RUNX1: variants seen among roughly 807,000 people sequenced by gnomAD.
The protein encoded by RUNX1 is RUNX family transcription factor 1.
In RUNX1, 19 loss-of-function variants were observed where a neutral mutation model predicts 42.8. The ratio of observed to expected loss-of-function variants is 0.44; its 90% CI spans 0.31 to 0.65. The LOEUF is 0.65. Ranked by LOEUF, RUNX1 falls within the 30% of genes least tolerant of loss-of-function variation. The pLI is 0.07. For missense variants in RUNX1, 528 were observed against 672.0 expected, an observed-to-expected ratio of 0.79 and a Z score of 2.37; for synonymous variants, 271 against 289.4, an observed-to-expected ratio of 0.94 and a Z score of 0.64.
rs529726450 is a variant in RUNX1, at chr21:35,011,396, A to G, written c.58+37446T>C. ...GAGACAGCCACTACTAATTCATAAG[A>G]GTTGTCACTTGGGATAAAGTAAAGG... On this transcript the variant is annotated intron_variant, in intron 2 of 8. Coordinates refer to ENST00000675419, the MANE Select transcript of RUNX1 (RefSeq NM_001754.5). 5.3e-5 allele frequency among the ~76,000 whole-genome samples: 8 copies of G among 152,266 alleles called. No individual in the cohort carries two copies. In the East Asian group the frequency reaches 5.8e-4, roughly 11 times the overall value.
At chr21:34,952,394 A>G (rs1212645473) in intron 2 of RUNX1, among the ~76,000 whole-genome samples, 1 of 152,160 alleles carries the variant, frequency 6.6e-6, no homozygotes, top group East Asian at 1.9e-4. Flanking sequence ...AATAAAAAAG[A>G]AAATATATAC....
intron 2 of RUNX1, among the ~76,000 whole-genome samples, chr21:35,040,770 CCAAAAAAAAAAA>C (rs2059352408): frequency 2.0e-5 from 1 of 50,998 alleles, no homozygotes; most frequent in East Asian, 9.1e-4. Context: ...TAGACTCCAT[CCAAAAAAAAAAA>C]AAAAAAAAAA....
intron 2 of RUNX1, among the ~76,000 whole-genome samples, chr21:34,994,750 G>T (rs1379301334): frequency 6.6e-6 from 1 of 152,188 alleles, no homozygotes; most frequent in African/African-American, 2.4e-5. Context: ...GAAGGGTTTG[G>T]TATGTTAGAC....
chr21:34,823,592 C>T (rs545709750), intron 7 of RUNX1, among the ~76,000 whole-genome samples: 9 of 151,908 alleles, frequency 5.9e-5, no homozygotes, highest in East Asian at 1.9e-4. Context: ...TACAGGTGCC[C>T]GCCACCACAC....
rs2056406581 is a variant in RUNX1, at chr21:34,789,280, G to A, written c.*2855C>T. Reference sequence around the variant, plus strand: ...TTAAGAGAACACAGGAAAAGGAGGAGGGAGAAAGTGGGGTTTGGAAGATAG... The same window carrying A: ...TTAAGAGAACACAGGAAAAGGAGGAAGGAGAAAGTGGGGTTTGGAAGATAG... On this transcript the variant is annotated 3_prime_UTR_variant, in exon 9 of 9. Transcript: ENST00000675419. 2.1e-5 allele frequency: 5 copies of A among 233,176 alleles called. No homozygotes were observed. The highest frequency in any genetic ancestry group is 1.2e-3 in the Middle Eastern group (1 of 810). The allele number at this position is 233,176 out of a possible 1,614,324, so 14.4% of individuals were successfully genotyped here. A position where few individuals can be genotyped will look rare whatever the true frequency, so the allele number is the denominator to read the frequency against.
At chr21:34,958,404 C>T (rs1055271163) in intron 2 of RUNX1, among the ~76,000 whole-genome samples, 1 of 152,178 alleles carries the variant, frequency 6.6e-6, no homozygotes, top group Non-Finnish European at 1.5e-5. Context: ...TGAACAGACA[C>T]TTCTCAAAAG....
chr21:34,981,878 T>C (rs2058848860), intron 2 of RUNX1, among the ~76,000 whole-genome samples: 2 of 152,208 alleles, frequency 1.3e-5, no homozygotes, highest in African/African-American at 4.8e-5. Context: ...CTGTAGGTCA[T>C]TGCCATCAGT....
At chr21:34,852,658 G>A (rs2146199568) in intron 6 of RUNX1, among the ~76,000 whole-genome samples, 1 of 152,320 alleles carries the variant, frequency 6.6e-6, no homozygotes, top group African/African-American at 2.4e-5. Flanking sequence ...AGGAGGGGAT[G>A]TGAGTCACGA....
intron 2 of RUNX1, among the ~76,000 whole-genome samples, chr21:34,945,366 C>T (rs959464226): frequency 6.6e-6 from 1 of 152,186 alleles, no homozygotes; most frequent in African/African-American, 2.4e-5. Flanking sequence ...TGGAACCCAC[C>T]ATCCTTTGAC....
At chr21:35,044,462 C>A (rs896973922) in intron 2 of RUNX1, among the ~76,000 whole-genome samples, 1 of 152,180 alleles carries the variant, frequency 6.6e-6, no homozygotes, top group Non-Finnish European at 1.5e-5. Context: ...CAGATTAATT[C>A]GGTCCACACA....
At chr21:34,872,300 C>A (rs1306969384) in intron 5 of RUNX1, among the ~76,000 whole-genome samples, 1 of 152,178 alleles carries the variant, frequency 6.6e-6, no homozygotes, top group Non-Finnish European at 1.5e-5. Context: ...GTGGACCTCA[C>A]CTGTGTGACA....
intron 2 of RUNX1, among the ~76,000 whole-genome samples, chr21:34,923,077 T>C (rs1414786194): frequency 6.6e-6 from 1 of 152,174 alleles, no homozygotes; most frequent in African/African-American, 2.4e-5. Context: ...CAATGTCCTA[T>C]TTATGTATTA....
chr21:34,965,040 A>G (rs1262933042), intron 2 of RUNX1, among the ~76,000 whole-genome samples: 2 of 152,188 alleles, frequency 1.3e-5, no homozygotes, highest in Non-Finnish European at 2.9e-5. Context: ...GTGAATACAC[A>G]CACATGCTCA....
chr21:34,820,906 A>G (rs1165208372), intron 7 of RUNX1, among the ~76,000 whole-genome samples: 2 of 152,210 alleles, frequency 1.3e-5, no homozygotes, highest in Non-Finnish European at 2.9e-5. Flanking sequence ...CAGGAGCCAG[A>G]AAACCTGGAT....
At chr21:35,003,403 A>G (rs947925096) in intron 2 of RUNX1, among the ~76,000 whole-genome samples, 1 of 152,252 alleles carries the variant, frequency 6.6e-6, no homozygotes, top group African/African-American at 2.4e-5. Context: ...GACTCCCACA[A>G]GTGGGAAACA....
chr21:34,992,365 G>A (rs2058950913), intron 2 of RUNX1, among the ~76,000 whole-genome samples: 1 of 152,186 alleles, frequency 6.6e-6, no homozygotes, highest in Non-Finnish European at 1.5e-5. Flanking sequence ...CAGGAGCCTG[G>A]GGCACATTCC....
intron 2 of RUNX1, among the ~76,000 whole-genome samples, chr21:35,003,471 T>C (rs1360447836): frequency 1.3e-5 from 2 of 151,980 alleles, no homozygotes; most frequent in Admixed American, 6.6e-5. Context: ...ACTTAACTTA[T>C]GATTTTTACT....
intron 6 of RUNX1, among the ~76,000 whole-genome samples, chr21:34,835,842 C>T (rs1162402885): frequency 2.6e-5 from 4 of 152,172 alleles, no homozygotes; most frequent in African/African-American, 9.7e-5. Context: ...AGAAAGAGGC[C>T]CCCTTGATTC....
At chr21:34,929,266 A>G (rs961627336) in intron 2 of RUNX1, among the ~76,000 whole-genome samples, 1 of 152,232 alleles carries the variant, frequency 6.6e-6, no homozygotes, top group Non-Finnish European at 1.5e-5. Context: ...AAACACTTCT[A>G]TAGCAACACT....
Sources: gnomAD v4.1 joint callset for allele counts (sites outside exome capture counted in the v4.1 genomes callset) on GRCh38, gnomAD v4.1.1 for gene constraint, MANE v1.5 for transcripts, NCBI Gene and HGNC (gene_info 2026-07-23, HGNC 2026-07-21) for gene names.